The following WDR41 variants were observed in gnomAD, a reference collection of about 807,000 sequenced individuals.
WDR41 encodes WD repeat domain 41, also known as WD repeat-containing protein 41.
In WDR41, 63 loss-of-function variants were observed where a neutral mutation model predicts 69.3. That is an observed-to-expected ratio of 0.91 (90% CI 0.74 to 1.12). The LOEUF (loss-of-function observed/expected upper bound fraction) is 1.12. WDR41 is among the 50% of genes most tolerant of loss of function. The probability of loss-of-function intolerance (pLI) is 0.00; values close to 1 mark genes in which losing one functional copy is unlikely to be tolerated. For synonymous variants in WDR41, 185 were observed against 192.1 expected (o/e 0.96, Z 0.31); for missense variants, 543 against 534.5 (o/e 1.02, Z -0.16).
At chr5:77,494,381 C>A (rs570203529), upstream of WDR41, among the ~76,000 whole-genome samples, 21 of 149,378 alleles carry the variant, frequency 1.4e-4, no homozygotes, top group East Asian at 1.4e-3. Flanking sequence ...CAAAAAAAAA[C>A]CAAACTCTAG....
At chr5:77,576,999 A>T (rs1743846710) in intron 1 of WDR41, among the ~76,000 whole-genome samples, 1 of 152,174 alleles carries the variant, frequency 6.6e-6, no homozygotes, top group South Asian at 2.1e-4. Flanking sequence ...AAATCAAAGG[A>T]AGAGTTGACA....
intron 1 of WDR41, among the ~76,000 whole-genome samples, chr5:77,608,017 C>T (rs2112334468): frequency 6.6e-6 from 1 of 152,234 alleles, no homozygotes; most frequent in South Asian, 2.1e-4. Context: ...TCAATGGCAG[C>T]CATCCACAAC....
chr5:77,596,754 T>C (rs1383338262), intron 1 of WDR41, among the ~76,000 whole-genome samples: 1 of 152,150 alleles, frequency 6.6e-6, no homozygotes, highest in Non-Finnish European at 1.5e-5. Context: ...TCATCTACCA[T>C]TGATTTTGCA....
intron 2 of WDR41, among the ~76,000 whole-genome samples, chr5:77,466,315 A>C (rs1218980950): frequency 6.6e-6 from 1 of 151,968 alleles, no homozygotes; most frequent in African/African-American, 2.4e-5. Flanking sequence ...AGATTAGTAA[A>C]TAGTACCTTG....
intron 1 of WDR41, chr5:77,546,402 A>G (rs1743199558): frequency 5.2e-6 from 1 of 192,796 alleles, no homozygotes; most frequent in Non-Finnish European, 1.0e-5. Flanking sequence ...AAGAGCAAAA[A>G]TCCAAATAAG....
At chr5:77,480,625 G>A (rs1008238177) in intron 2 of WDR41, among the ~76,000 whole-genome samples, 2 of 149,186 alleles carry the variant, frequency 1.3e-5, no homozygotes, top group Non-Finnish European at 3.0e-5. Context: ...ACTGAACAAT[G>A]AGAACACATG....
At chr5:77,599,328 G>A (rs1354118767) in intron 1 of WDR41, among the ~76,000 whole-genome samples, 4 of 150,702 alleles carry the variant, frequency 2.7e-5, no homozygotes, top group African/African-American at 9.7e-5. Flanking sequence ...AGCCTCCTGA[G>A]TAGTTGGGAT....
chr5:77,598,017 A>C (rs1321865554), intron 1 of WDR41, among the ~76,000 whole-genome samples: 1 of 152,222 alleles, frequency 6.6e-6, no homozygotes, highest in Non-Finnish European at 1.5e-5. Context: ...AACCTCTCAG[A>C]TAATCTCCTC....
upstream of WDR41, among the ~76,000 whole-genome samples, chr5:77,496,237 C>G (rs1014456100): frequency 2.0e-5 from 3 of 152,078 alleles, no homozygotes; most frequent in African/African-American, 7.2e-5. Flanking sequence ...GACCACTGCT[C>G]TTCAACACTG....
chr5:77,539,072 A>C (rs1743041847), intron 1 of WDR41, among the ~76,000 whole-genome samples: 2 of 151,656 alleles, frequency 1.3e-5, no homozygotes, highest in African/African-American at 4.8e-5. Context: ...TCATGGGAGG[A>C]GAGAGAGAGA....
chr5:77,453,532 G>A (rs188127829), intron 6 of WDR41, among the ~76,000 whole-genome samples: 82 of 152,274 alleles, frequency 5.4e-4, no homozygotes, highest in Middle Eastern at 6.8e-3. Context: ...AAAGTCGTAA[G>A]GGTCTGCTTC....
intron 5 of WDR41, chr5:77,458,764 G>A: frequency 4.6e-6 from 1 of 216,644 alleles, no homozygotes; most frequent in Non-Finnish European, 9.0e-6. Context: ...CTACTATTAT[G>A]GTCATTCTAC....
chr5:77,571,686 ACTC>A lies in WDR41; in HGVS notation c.42+48790_42+48792del, dbSNP rs1561227624. ...GCTGGATTCTTAGCTCACAGAGAGC[ACTC>A]TCTTCCTCCATGGTAGATTCTGAAG... On this transcript the variant is annotated intron_variant, in intron 1 of 5. Transcript: ENST00000509971. 5.3e-3 allele frequency among the ~76,000 whole-genome samples: 808 copies of A among 152,174 alleles called. 2 individuals carry two copies. Among genetic ancestry groups the A allele is most frequent in the African/African-American group, 0.019 (779 of 41,522 alleles).
chr5:77,549,450 T>C (rs777551392), intron 1 of WDR41, among the ~76,000 whole-genome samples: 2 of 152,142 alleles, frequency 1.3e-5, no homozygotes, highest in Admixed American at 6.5e-5. Context: ...GTAACATTTC[T>C]ATACAACAAT....
At chr5:77,569,718 A>G (rs1438774812) in intron 1 of WDR41, among the ~76,000 whole-genome samples, 2 of 152,230 alleles carry the variant, frequency 1.3e-5, no homozygotes, top group African/African-American at 4.8e-5. Context: ...GTCGTATATA[A>G]TAGTCATATA....
chr5:77,476,119 A>C (rs1240249244), intron 2 of WDR41, among the ~76,000 whole-genome samples: 1 of 109,572 alleles, frequency 9.1e-6, no homozygotes, highest in Non-Finnish European at 1.8e-5. Flanking sequence ...GGAAGTTTAG[A>C]GAAAAAAAGA....
upstream of WDR41, among the ~76,000 whole-genome samples, chr5:77,495,220 T>C (rs1040503695): frequency 4.6e-5 from 7 of 151,884 alleles, no homozygotes; most frequent in Non-Finnish European, 8.8e-5. Context: ...CCATAGGAAC[T>C]TGAAGTAGAA....
At chr5:77,587,485 C>G (rs771029505) in intron 1 of WDR41, among the ~76,000 whole-genome samples, 3 of 152,178 alleles carry the variant, frequency 2.0e-5, no homozygotes, top group Non-Finnish European at 4.4e-5. Context: ...GTTCCCATCT[C>G]CACTTACTCA....
rs1161183998 is a variant in WDR41 at position 77,510,041 on chromosome 5, G to A, written c.43-20469C>T. On this transcript the variant is annotated intron_variant, in intron 1 of 5. Transcript: ENST00000509971. ...CCTTTCCTAAACCAATCACTAGTAT[G>A]GAACTGAGATCACCAGGTGTATTAG... is the stretch of plus-strand genomic sequence containing the variant. Among the ~76,000 whole-genome samples the A allele has an allele frequency of 2.0e-5, 3 of 152,254 alleles. No individual in the cohort carries two copies. In the East Asian group the frequency reaches 5.8e-4, roughly 29 times the overall value.
Sources: gnomAD v4.1 joint callset for allele counts (sites outside exome capture counted in the v4.1 genomes callset) on GRCh38, gnomAD v4.1.1 for gene constraint, MANE v1.5 for transcripts, NCBI Gene and HGNC (gene_info 2026-07-23, HGNC 2026-07-21) for gene names.